Variants in CHD9 observed in about 807,000 individuals in gnomAD.
The protein encoded by CHD9 is ATP-dependent chromatin remodeler CHD9.
In CHD9, 77 loss-of-function variants were observed where a neutral mutation model predicts 316.1. The ratio of observed to expected loss-of-function variants is 0.24; its 90% CI spans 0.20 to 0.29. The LOEUF (loss-of-function observed/expected upper bound fraction) is 0.29, where lower values mean the gene tolerates loss of function less well. CHD9 is among the 10% of genes least tolerant of loss of function. The pLI is 1.00. For synonymous variants in CHD9, 1,129 were observed against 1,158.3 expected, an observed-to-expected ratio of 0.97 and a Z score of 0.51; for missense variants, 2,763 against 3,438.1, an observed-to-expected ratio of 0.80 and a Z score of 4.91.
chr16:53,150,239 C>G (rs1488838387), intron 1 of CHD9, among the ~76,000 whole-genome samples: 1 of 149,292 alleles, frequency 6.7e-6, no homozygotes, highest in Admixed American at 6.6e-5. Context: ...GGTAGCATTC[C>G]TTTTTGATTT....
chr16:53,123,621 C>T (rs2038841579), intron 1 of CHD9, among the ~76,000 whole-genome samples: 1 of 152,070 alleles, frequency 6.6e-6, no homozygotes, highest in African/African-American at 2.4e-5. Context: ...CCTGCCTCAG[C>T]CTCCTGAGTA....
intron 24 of CHD9, among the ~76,000 whole-genome samples, chr16:53,279,565 A>G (rs2053211845): frequency 6.6e-6 from 1 of 152,178 alleles, no homozygotes; most frequent in African/African-American, 2.4e-5. Context: ...CTGAAACTAT[A>G]AAAATTCTAG....
At chr16:53,146,438 A>ATATATAT (rs1567374423) in intron 1 of CHD9, among the ~76,000 whole-genome samples, 2 of 46,374 alleles carry the variant, frequency 4.3e-5, no homozygotes, top group African/African-American at 1.8e-4. Context: ...TATATATATA[A>ATATATAT]TTAAAAAGTT....
Position 53,107,106 on chromosome 16 carries a change from C to T in CHD9, c.-164-48820C>T, listed in dbSNP as rs1004115213. 3.3e-5 allele frequency among the ~76,000 whole-genome samples: 5 copies of T among 152,152 alleles called. No individual in the cohort carries two copies. In the East Asian group the frequency reaches 9.6e-4, roughly 29 times the overall value. ...ATCTGTTTATTGATAAAATTTTCAA[C>T]AGCCTGGGCAATATAGCGAGACCCT... On this transcript the variant is annotated intron_variant, in intron 1 of 38. Transcript: ENST00000447540.
chr16:53,164,668 T>G (rs2042155294), intron 2 of CHD9, among the ~76,000 whole-genome samples: 1 of 151,804 alleles, frequency 6.6e-6, no homozygotes, highest in Non-Finnish European at 1.5e-5. Flanking sequence ...TTGTTGTTGT[T>G]TTTGAGACAG....
At chr16:53,265,907 G>C (rs926516018) in intron 20 of CHD9, among the ~76,000 whole-genome samples, 1 of 150,830 alleles carries the variant, frequency 6.6e-6, no homozygotes, top group Non-Finnish European at 1.5e-5. Context: ...GATCAAAATT[G>C]TATCAAATCT....
At chr16:53,227,916 T>G (rs915800674) in intron 7 of CHD9, among the ~76,000 whole-genome samples, 4 of 151,800 alleles carry the variant, frequency 2.6e-5, no homozygotes, top group Non-Finnish European at 4.4e-5. Context: ...AAACCTCATC[T>G]CTACTAAAAA....
chr16:53,103,115 G>A (rs2037033703), intron 1 of CHD9, among the ~76,000 whole-genome samples: 1 of 150,476 alleles, frequency 6.6e-6, no homozygotes, highest in African/African-American at 2.4e-5. Context: ...AAAGTGCTGG[G>A]ATTATAGGCA....
chr16:53,107,016 C>T (rs1039424166), intron 1 of CHD9, among the ~76,000 whole-genome samples: 1 of 152,242 alleles, frequency 6.6e-6, no homozygotes, highest in East Asian at 1.9e-4. Context: ...AGTACACTAC[C>T]ACACACACAA....
intron 1 of CHD9, among the ~76,000 whole-genome samples, chr16:53,103,022 T>G (rs1158118658): frequency 6.6e-6 from 1 of 151,936 alleles, no homozygotes; most frequent in Non-Finnish European, 1.5e-5. Context: ...ATTTTTTGTA[T>G]TTTTAGTGGA....
At chr16:53,087,719 A>T (rs573296361) in intron 1 of CHD9, among the ~76,000 whole-genome samples, 1 of 152,284 alleles carries the variant, frequency 6.6e-6, no homozygotes, top group South Asian at 2.1e-4. Context: ...AGGCCAAAGC[A>T]GGAGGATCAC....
chr16:53,239,169 G>A (rs1287820575), intron 12 of CHD9, among the ~76,000 whole-genome samples: 1 of 152,076 alleles, frequency 6.6e-6, no homozygotes, highest in Non-Finnish European at 1.5e-5. Context: ...TATTTTAGAG[G>A]AGCATTTTCT....
intron 1 of CHD9, among the ~76,000 whole-genome samples, chr16:53,105,885 G>C (rs11647788): frequency 3.3e-5 from 5 of 150,156 alleles, no homozygotes; most frequent in Admixed American, 6.7e-5. Flanking sequence ...GTGCAATAGC[G>C]CGGTCTTGGT....
intron 36 of CHD9, 42 bp downstream of exon 36, chr16:53,315,086 G>A (rs1467311960): frequency 7.1e-7 from 1 of 1,406,270 alleles, no homozygotes; most frequent in Non-Finnish European, 9.9e-7. Context: ...TTATTTTTAT[G>A]AGTTGTCAGA....
rs577595440 is a variant in CHD9, at chr16:53,203,211, A to G, written c.1453-6271A>G. ...TAAGGAGACTAAAAACCAGTACACC[A>G]GCTTACAATAAACAATTTAAGAGAA... On this transcript the variant is annotated intron_variant, in intron 2 of 38. Coordinates refer to ENST00000447540, the MANE Select transcript of CHD9 (RefSeq NM_001308319.2). Among the ~76,000 whole-genome samples the G allele has an allele frequency of 3.9e-5, 6 of 152,338 alleles. No homozygotes were observed. The East Asian group carries it at 9.6e-4, about 24-fold the overall frequency.
At chr16:53,174,700 C>T (rs2042989375) in intron 2 of CHD9, among the ~76,000 whole-genome samples, 1 of 152,176 alleles carries the variant, frequency 6.6e-6, no homozygotes, top group Admixed American at 6.5e-5. Flanking sequence ...CTTCAATGTC[C>T]TGGGCTCAAG....
intron 1 of CHD9, among the ~76,000 whole-genome samples, chr16:53,061,218 C>T (rs938476943): frequency 6.6e-6 from 1 of 152,086 alleles, no homozygotes; most frequent in East Asian, 1.9e-4. Flanking sequence ...TGAGCCACCT[C>T]GCCTGGCCAA....
At chr16:53,075,765 T>C (rs1249113619) in intron 1 of CHD9, among the ~76,000 whole-genome samples, 2 of 152,224 alleles carry the variant, frequency 1.3e-5, no homozygotes, top group Non-Finnish European at 2.9e-5. Flanking sequence ...GACTCACATA[T>C]GTCTTTATCA....
intron 2 of CHD9, among the ~76,000 whole-genome samples, chr16:53,181,520 A>G (rs903849580): frequency 1.3e-5 from 2 of 152,290 alleles, no homozygotes; most frequent in Admixed American, 1.3e-4. Context: ...GCAGACCAAT[A>G]TAAATGTCAG....
Sources: allele counts gnomAD v4.1 joint callset (sites outside exome capture counted in the v4.1 genomes callset), GRCh38; gene constraint gnomAD v4.1.1; transcripts MANE v1.5; gene names NCBI Gene and HGNC (gene_info 2026-07-23, HGNC 2026-07-21).